Variants in CHODL observed in about 807,000 individuals in gnomAD.
CHODL encodes the protein transmembrane protein MT75.
CHODL carries 29 observed loss-of-function variants against 34.5 expected under a neutral mutation model. The ratio of observed to expected loss-of-function variants is 0.84; its 90% CI spans 0.63 to 1.15. The LOEUF (loss-of-function observed/expected upper bound fraction) is 1.15, where lower values mean the gene tolerates loss of function less well. Ranked by LOEUF, CHODL falls within the 50% of genes most tolerant of loss-of-function variation. The pLI, the probability that CHODL is intolerant of heterozygous loss-of-function variation, is 0.00. For missense variants in CHODL, 332 were observed against 332.5 expected, an observed-to-expected ratio of 1.00 and a Z score of 0.01; for synonymous variants, 125 against 116.1, an observed-to-expected ratio of 1.08 and a Z score of -0.49.
chr21:18,180,968 A>G (rs2073374762), intron 2 of CHODL, among the ~76,000 whole-genome samples: 1 of 152,258 alleles, frequency 6.6e-6, no homozygotes, highest in Admixed American at 6.5e-5. Flanking sequence ...TGCTAAGCCT[A>G]GAACATAGTA....
rs528164074 is a variant in CHODL, at chr21:17,957,905, C to T, written c.-145+40505C>T. Among the ~76,000 whole-genome samples, 11 of 150,516 alleles carry T rather than the reference C, an allele frequency of 7.3e-5. No individual in the cohort carries two copies. In the South Asian group the frequency reaches 1.7e-3, roughly 23 times the overall value. ...AGCCTTTTTTTTTTCTTTATAAATACCCCTCAGAACTGGAACTTCAAAAAA... is the reference window on the plus strand; with the variant it reads ...AGCCTTTTTTTTTTCTTTATAAATATCCCTCAGAACTGGAACTTCAAAAAA... On this transcript the variant is annotated intron_variant, in intron 1 of 6. Transcript: ENST00000400127.
rs372928010 is a variant in CHODL, at chr21:18,137,141, C to G, written c.-45+109170C>G. On this transcript the variant is annotated intron_variant, in intron 2 of 6. Coordinates refer to the CHODL transcript ENST00000400127. The stretch of plus-strand genomic sequence containing the variant: ...TCCTTGGCCTGTGTGCAATGTAAAA[C>G]CAACACCCTCTTCCTTATTTCTGAG... Among the ~76,000 whole-genome samples, 6 of 152,158 alleles carry G rather than the reference C, an allele frequency of 3.9e-5. No individual in the cohort carries two copies. In the East Asian group the frequency reaches 5.8e-4, roughly 15 times the overall value.
chr21:18,010,812 C>T (rs1568843297), intron 1 of CHODL, among the ~76,000 whole-genome samples: 1 of 152,148 alleles, frequency 6.6e-6, no homozygotes, highest in Non-Finnish European at 1.5e-5. Context: ...TTTAGCATTG[C>T]ATTATGAAAG....
chr21:18,242,790 G>A (rs917309091), upstream of CHODL, among the ~76,000 whole-genome samples: 1 of 152,112 alleles, frequency 6.6e-6, no homozygotes, highest in Non-Finnish European at 1.5e-5. Context: ...AACATATTGA[G>A]GATACAGTTA....
chr21:18,056,941 T>C (rs980328945), intron 2 of CHODL, among the ~76,000 whole-genome samples: 1 of 152,136 alleles, frequency 6.6e-6, no homozygotes, highest in Non-Finnish European at 1.5e-5. Flanking sequence ...CAATATCTGG[T>C]ATTTCTGCTC....
At chr21:18,102,326 GTTCCCA>G (rs2065225543) in intron 2 of CHODL, among the ~76,000 whole-genome samples, 1 of 152,188 alleles carries the variant, frequency 6.6e-6, no homozygotes, top group Non-Finnish European at 1.5e-5. Flanking sequence ...CAGATCTGCT[GTTCCCA>G]GTAAGTTACT....
intron 2 of CHODL, among the ~76,000 whole-genome samples, chr21:18,174,689 A>T (rs1444333621): frequency 6.6e-6 from 1 of 152,214 alleles, no homozygotes; most frequent in East Asian, 1.9e-4. Context: ...TGAATCAATT[A>T]GGGAAACATA....
At chr21:17,975,026 G>A (rs902807696) in intron 1 of CHODL, among the ~76,000 whole-genome samples, 4 of 151,586 alleles carry the variant, frequency 2.6e-5, no homozygotes, top group Non-Finnish European at 2.9e-5. Context: ...TTGAAGTTGC[G>A]TTTAAAAAGA....
chr21:18,208,628 T>C (rs2146719384), intron 2 of CHODL, among the ~76,000 whole-genome samples: 1 of 152,274 alleles, frequency 6.6e-6, no homozygotes. Context: ...TATCCATTCA[T>C]CTTGTGAAGG....
chr21:18,107,970 G>A (rs148380661), intron 2 of CHODL, among the ~76,000 whole-genome samples: 31 of 152,256 alleles, frequency 2.0e-4, no homozygotes, highest in African/African-American at 1.4e-4. Flanking sequence ...GGTTATGTTC[G>A]TACCATCTAC....
At chr21:18,049,357 CTAT>C (rs2064484831) in intron 2 of CHODL, among the ~76,000 whole-genome samples, 1 of 151,880 alleles carries the variant, frequency 6.6e-6, no homozygotes, top group Non-Finnish European at 1.5e-5. Context: ...ACCAGATTAA[CTAT>C]ATAATGAACA....
At chr21:18,248,674 ATATATGTATATATTATATACATATATATG>A in intron 1 of CHODL, among the ~76,000 whole-genome samples, 1 of 100,810 alleles carries the variant, frequency 9.9e-6, no homozygotes, top group Non-Finnish European at 2.0e-5. Context: ...TGTATAATAC[ATATATGTATATATTATATACATATATATG>A]TATATAATAT....
At chr21:18,051,184 G>A (rs2064510975) in intron 2 of CHODL, among the ~76,000 whole-genome samples, 1 of 151,798 alleles carries the variant, frequency 6.6e-6, no homozygotes, top group Non-Finnish European at 1.5e-5. Context: ...GCGGTGTTGG[G>A]TTTTCTGTTC....
intron 1 of CHODL, among the ~76,000 whole-genome samples, chr21:17,931,026 T>G (rs2063268336): frequency 6.6e-6 from 1 of 152,154 alleles, no homozygotes; most frequent in Non-Finnish European, 1.5e-5. Context: ...CACAAGGGTG[T>G]GATACAGAAA....
intron 2 of CHODL, among the ~76,000 whole-genome samples, chr21:18,105,410 G>A (rs912616017): frequency 6.6e-6 from 1 of 152,164 alleles, no homozygotes; most frequent in African/African-American, 2.4e-5. Context: ...AGGTCCTTCA[G>A]TCTTCCCTGC....
At chr21:18,033,460 C>T (rs2064271626) in intron 2 of CHODL, among the ~76,000 whole-genome samples, 1 of 151,922 alleles carries the variant, frequency 6.6e-6, no homozygotes, top group African/African-American at 2.4e-5. Flanking sequence ...CTGATTCCTC[C>T]CATAGCATCC....
intron 2 of CHODL, among the ~76,000 whole-genome samples, chr21:18,080,440 C>G (rs1485033954): frequency 2.0e-5 from 3 of 152,128 alleles, no homozygotes; most frequent in Admixed American, 1.3e-4. Flanking sequence ...CCCAGATTTT[C>G]TTCAAGGATA....
At chr21:17,976,772 A>G (rs2063666410) in intron 1 of CHODL, among the ~76,000 whole-genome samples, 1 of 151,888 alleles carries the variant, frequency 6.6e-6, no homozygotes, top group Non-Finnish European at 1.5e-5. Context: ...GATAATTTCA[A>G]ATTTTATTTT....
intron 2 of CHODL, among the ~76,000 whole-genome samples, chr21:18,146,303 T>G (rs998721192): frequency 6.6e-6 from 1 of 151,944 alleles, no homozygotes; most frequent in African/African-American, 2.4e-5. Flanking sequence ...GAGTCTGAAA[T>G]TTCATTACTG....
Sources: allele counts gnomAD v4.1 joint callset (sites outside exome capture counted in the v4.1 genomes callset), GRCh38; gene constraint gnomAD v4.1.1; transcripts MANE v1.5; gene names NCBI Gene and HGNC (gene_info 2026-07-23, HGNC 2026-07-21).